ACSF3: variants seen among roughly 807,000 people sequenced by gnomAD.
ACSF3 encodes malonate--CoA ligase ACSF3, mitochondrial.
In ACSF3, 78 loss-of-function variants were observed where a neutral mutation model predicts 53.2. The observed-to-expected ratio is 1.47, with a 90% CI of 1.22 to 1.77. The LOEUF is 1.77. ACSF3 is among the 40% of genes most tolerant of loss of function. ACSF3 has a pLI of 0.00. For synonymous variants in ACSF3, 414 were observed against 333.1 expected (o/e 1.24, Z -2.65); for missense variants, 937 against 771.1 (o/e 1.22, Z -2.55).
chr16:89,137,564 C>A (rs1227898704), intron 8 of ACSF3, among the ~76,000 whole-genome samples: 2 of 139,340 alleles, frequency 1.4e-5, no homozygotes, highest in East Asian at 4.3e-4. Flanking sequence ...CCCCAGGTCT[C>A]GGGAGGACCA....
At chr16:89,136,453 A>T in intron 8 of ACSF3, 1 of 1,151,166 alleles carries the variant, frequency 8.7e-7, no homozygotes, top group Non-Finnish European at 1.1e-6. Flanking sequence ...CTGCATAATG[A>T]GAGCCTGCAA....
At chr16:89,108,659 G>A (rs1976313504) in intron 4 of ACSF3, among the ~76,000 whole-genome samples, 1 of 152,118 alleles carries the variant, frequency 6.6e-6, no homozygotes, top group Admixed American at 6.5e-5. Flanking sequence ...TTTTATTCCA[G>A]CTTCTTTCAC....
chr16:89,102,075 A>G lies in ACSF3; in HGVS notation c.667-529A>G, dbSNP rs142850076. 3.3e-3 allele frequency among the ~76,000 whole-genome samples: 505 copies of G among 152,306 alleles called. 3 individuals are homozygous for G. Among genetic ancestry groups the G allele is most frequent in the African/African-American group, 0.011 (456 of 41,562 alleles). On this transcript the variant is annotated intron_variant, in intron 3 of 10. Coordinates refer to ENST00000614302, the MANE Select transcript of ACSF3 (RefSeq NM_001243279.3). Reference sequence around the variant, plus strand: ...CAGGCAGCAGGCAGTGTCCTCCGTGAGATTGGACAGAGGATTCAGTGGGCC... The same window carrying G: ...CAGGCAGCAGGCAGTGTCCTCCGTGGGATTGGACAGAGGATTCAGTGGGCC...
intron 8 of ACSF3, among the ~76,000 whole-genome samples, chr16:89,135,198 A>T (rs898858618): frequency 1.3e-5 from 2 of 152,180 alleles, no homozygotes; most frequent in African/African-American, 4.8e-5. Flanking sequence ...GCTGGCCCAA[A>T]ATCAGAAACG....
chr16:89,107,240 G>A (rs574825654), intron 4 of ACSF3, among the ~76,000 whole-genome samples: 2 of 152,332 alleles, frequency 1.3e-5, no homozygotes, highest in South Asian at 4.1e-4. Context: ...GGCTCTCAGT[G>A]CCCTTCTTTA....
chr16:89,118,993 G>C (rs1905912345), intron 6 of ACSF3, among the ~76,000 whole-genome samples: 1 of 152,172 alleles, frequency 6.6e-6, no homozygotes, highest in African/African-American at 2.4e-5. Flanking sequence ...CCTGGAGTGT[G>C]GGGACCCCTC....
At chr16:89,153,977 G>T (rs550576703) in intron 10 of ACSF3, 113 bp from the exon 11 acceptor site, 3 of 1,132,994 alleles carry the variant, frequency 2.6e-6, no homozygotes, top group East Asian at 5.1e-5. Context: ...TGGCCGAGGC[G>T]CCTGGCAAGG....
chr16:89,126,146 G>C (rs1908045165), intron 7 of ACSF3, among the ~76,000 whole-genome samples: 1 of 152,198 alleles, frequency 6.6e-6, no homozygotes, highest in South Asian at 2.1e-4. Context: ...TCAGCATATA[G>C]ATGCTGTACT....
chr16:89,098,604 C>A lies in ACSF3; in HGVS notation c.-180C>A, dbSNP rs1230797135. Reference sequence around the variant, plus strand: ...GCCCGTTGACAGGTGTCCCACCGGCCTTCCGGGTTCCAGCGCCAGGCCTGG... The same window carrying A: ...GCCCGTTGACAGGTGTCCCACCGGCATTCCGGGTTCCAGCGCCAGGCCTGG... On this transcript the variant is annotated 5_prime_UTR_variant, in exon 2 of 11. Coordinates refer to ENST00000614302, the MANE Select transcript of ACSF3 (RefSeq NM_001243279.3). 4 of 452,410 alleles carry A rather than the reference C, an allele frequency of 8.8e-6. No homozygotes were observed. Among genetic ancestry groups the A allele is most frequent in the Non-Finnish European group, 1.8e-5 (4 of 225,364 alleles). The allele number at this position is 452,410 out of a possible 1,614,324, so 28.0% of individuals were successfully genotyped here. A position where few individuals can be genotyped will look rare whatever the true frequency, so the allele number is the denominator to read the frequency against.
chr16:89,102,858 T>A, intron 4 of ACSF3, 99 bp downstream of exon 4: 2 of 1,528,860 alleles, frequency 1.3e-6, no homozygotes, highest in Non-Finnish European at 1.8e-6. Context: ...TAAGCGCCTT[T>A]CGCTGGTTGG....
Position 89,154,693 on chromosome 16 carries a change from G to A in ACSF3, c.*486G>A, listed in dbSNP as rs745801768. On this transcript the variant is annotated 3_prime_UTR_variant, in exon 11 of 11. Coordinates refer to ENST00000614302, the MANE Select transcript of ACSF3 (RefSeq NM_001243279.3). Reference sequence around the variant, plus strand: ...AGCCACCCAGGGGGCCCTCCTGGGAGGAGCTGAGGGTTCACAAGCCTCCCA... The same window carrying A: ...AGCCACCCAGGGGGCCCTCCTGGGAAGAGCTGAGGGTTCACAAGCCTCCCA... The A allele has an allele frequency of 8.8e-6, 4 of 454,228 alleles. No homozygotes were observed. Among genetic ancestry groups the A allele is most frequent in the South Asian group, 6.2e-5 (4 of 64,478 alleles). 28.1% of individuals were successfully genotyped at this position (454,228 alleles called of 1,614,324 possible).
At chr16:89,118,389 A>G (rs545200075) in intron 6 of ACSF3, among the ~76,000 whole-genome samples, 1 of 152,198 alleles carries the variant, frequency 6.6e-6, no homozygotes, top group South Asian at 2.1e-4. Flanking sequence ...AAAAACTCCA[A>G]AATGCAGCCT....
rs758530787 is a variant in ACSF3 at position 89,101,162 on chromosome 16, A to T, written c.481A>T (p.Arg161Trp). Residue 161 changes from arginine (R) to tryptophan (W), a missense_variant, in exon 3 of 11, where the codon AGG becomes TGG. Transcript: ENST00000614302. ...EYLELLSPVV[R>W]KLGVPLLPLT... is the part of the protein sequence containing the mutation. ...CCTGGAGCTCCTGAGCCCGGTGGTC[A>T]GGAAGCTGGGGGTCCCGCTGCTGCC... 11 of 1,613,124 alleles carry T rather than the reference A, an allele frequency of 6.8e-6. No homozygotes were observed. Among genetic ancestry groups the T allele is most frequent in the African/African-American group, 1.3e-5 (1 of 74,910 alleles).
intron 8 of ACSF3, among the ~76,000 whole-genome samples, chr16:89,134,936 C>T (rs1230791411): frequency 1.3e-5 from 2 of 152,126 alleles, no homozygotes; most frequent in Non-Finnish European, 2.9e-5. Flanking sequence ...AGCAGACGTG[C>T]GTGGGTGGAC....
intron 2 of ACSF3, among the ~76,000 whole-genome samples, chr16:89,099,408 A>G (rs1246099470): frequency 1.3e-5 from 2 of 152,180 alleles, no homozygotes; most frequent in African/African-American, 4.8e-5. Context: ...GTTATTTAGT[A>G]GTTAAGTTTT....
chr16:89,117,067 G>T (rs528801022), intron 6 of ACSF3, among the ~76,000 whole-genome samples: 1 of 152,150 alleles, frequency 6.6e-6, no homozygotes, highest in Non-Finnish European at 1.5e-5. Context: ...AGCCCGGCTC[G>T]CTGAGGCTGC....
chr16:89,129,071 G>A (rs573867085), intron 7 of ACSF3, among the ~76,000 whole-genome samples: 1 of 152,324 alleles, frequency 6.6e-6, no homozygotes, highest in South Asian at 2.1e-4. Context: ...GTTTGAGGCT[G>A]CAGTGAGCTG....
intron 4 of ACSF3, among the ~76,000 whole-genome samples, chr16:89,110,273 C>G (rs898209166): frequency 8.5e-5 from 13 of 152,242 alleles, no homozygotes; most frequent in African/African-American, 3.1e-4. Context: ...TAGAAGTTTT[C>G]TAGTTTTAGC....
At position 89,137,132 on chromosome 16, in the gene ACSF3, G is replaced by A. The variant is rs945162246; in HGVS notation, c.1366+3870G>A. Among the ~76,000 whole-genome samples, 14 of 152,352 alleles carry A rather than the reference G, an allele frequency of 9.2e-5. No homozygotes were observed. In the South Asian group the frequency reaches 2.1e-3, roughly 23 times the overall value. Reference sequence around the variant, plus strand: ...GGCATCCAGGGGTCAGGAGAGGGGCGGTAGGGCAGGGCGGCATCCCTGCAG... The same window carrying A: ...GGCATCCAGGGGTCAGGAGAGGGGCAGTAGGGCAGGGCGGCATCCCTGCAG... On this transcript the variant is annotated intron_variant, in intron 8 of 10. Coordinates refer to ENST00000614302, the MANE Select transcript of ACSF3 (RefSeq NM_001243279.3).
Sources: allele counts gnomAD v4.1 joint callset (sites outside exome capture counted in the v4.1 genomes callset), GRCh38; gene constraint gnomAD v4.1.1; transcripts MANE v1.5; gene names NCBI Gene and HGNC (gene_info 2026-07-23, HGNC 2026-07-21).